SUGCT: variants seen among roughly 807,000 people sequenced by gnomAD.
The protein encoded by SUGCT is succinyl-CoA:glutarate CoA-transferase.
A neutral mutation model predicts 55.0 loss-of-function variants in SUGCT; 41 were observed. That is an observed-to-expected ratio of 0.74 (90% CI 0.58 to 0.97). SUGCT has a LOEUF of 0.97. Ranked by LOEUF, SUGCT falls within the 50% of genes least tolerant of loss-of-function variation. The pLI, the probability that SUGCT is intolerant of heterozygous loss-of-function variation, is 0.00. For synonymous variants in SUGCT, 187 were observed against 200.4 expected, an observed-to-expected ratio of 0.93 and a Z score of 0.56; for missense variants, 568 against 547.8, an observed-to-expected ratio of 1.04 and a Z score of -0.37.
intron 12 of SUGCT, among the ~76,000 whole-genome samples, chr7:40,728,069 A>C (rs1178251957): frequency 6.6e-6 from 1 of 152,200 alleles, no homozygotes; most frequent in Non-Finnish European, 1.5e-5. Flanking sequence ...TCTCCTTAAA[A>C]AAGATGAAGA....
the SUGCT span, among the ~76,000 whole-genome samples, chr7:40,998,185 G>C: frequency 6.6e-6 from 1 of 152,110 alleles, no homozygotes; most frequent in Admixed American, 6.6e-5. Context: ...GGGTCAACAT[G>C]ATGAAACCCC....
intron 1 of SUGCT, among the ~76,000 whole-genome samples, chr7:40,149,255 C>G (rs1788424114): frequency 6.6e-6 from 1 of 152,192 alleles, no homozygotes; most frequent in Non-Finnish European, 1.5e-5. Flanking sequence ...CTGAAACCGC[C>G]TTTGCAAAAT....
chr7:40,287,500 C>CT (rs113244843), intron 8 of SUGCT, among the ~76,000 whole-genome samples: 21,769 of 143,950 alleles, frequency 0.15, 4,139 homozygotes, highest in African/African-American at 0.45. Context: ...CCTTGATACT[C>CT]TTTTTTTTTT....
chr7:40,850,846 G>A (rs752105733), intron 13 of SUGCT, among the ~76,000 whole-genome samples: 2 of 152,156 alleles, frequency 1.3e-5, no homozygotes, highest in Admixed American at 6.5e-5. Context: ...AATGTTCTGG[G>A]AAGTCTAGGT....
intron 9 of SUGCT, among the ~76,000 whole-genome samples, chr7:40,431,679 T>C (rs1426403399): frequency 6.6e-6 from 1 of 152,202 alleles, no homozygotes; most frequent in African/African-American, 2.4e-5. Context: ...CCTAAGTATT[T>C]TGTTGTTTTT....
At chr7:40,244,417 G>A (rs1352200849) in intron 7 of SUGCT, among the ~76,000 whole-genome samples, 1 of 152,156 alleles carries the variant, frequency 6.6e-6, no homozygotes, top group African/African-American at 2.4e-5. Context: ...GAGAGTTAAG[G>A]TTTCAGGACA....
chr7:40,817,451 A>G (rs1346121250), intron 13 of SUGCT, among the ~76,000 whole-genome samples: 1 of 152,196 alleles, frequency 6.6e-6, no homozygotes, highest in Non-Finnish European at 1.5e-5. Context: ...TCATGGAGTA[A>G]GTAAGAATAG....
In SUGCT at chr7:40,620,666, G is replaced by A. The variant is rs192369777; in HGVS notation, c.1089+124280G>A. Among the ~76,000 whole-genome samples, 7 of 152,250 alleles carry A rather than the reference G, an allele frequency of 4.6e-5. No homozygotes were observed. In the East Asian group the frequency reaches 1.2e-3, roughly 25 times the overall value. On this transcript the variant is annotated intron_variant, in intron 12 of 13. Coordinates refer to ENST00000335693, the MANE Select transcript of SUGCT (RefSeq NM_001193313.2). Reference sequence around the variant, plus strand: ...GATCCATCCACCTGAGCCTCCCAAAGTGCTGGGATTACAGGGGTGAGCCAC... The same window carrying A: ...GATCCATCCACCTGAGCCTCCCAAAATGCTGGGATTACAGGGGTGAGCCAC...
chr7:40,341,777 A>T lies in SUGCT; in HGVS notation c.816+24922A>T, dbSNP rs149695095. Among the ~76,000 whole-genome samples the T allele has an allele frequency of 3.2e-3, 493 of 152,378 alleles. 3 individuals carry two copies. Among genetic ancestry groups the T allele is most frequent in the African/African-American group, 0.011 (475 of 41,590 alleles). On this transcript the variant is annotated intron_variant, in intron 9 of 13. Transcript: ENST00000335693. ...CATTTAGGAACCAGGAAAGGAGTTC[A>T]GAGGCATTAAAGATGCATCCTTCTG...
At chr7:40,623,399 C>G (rs1219388429) in intron 12 of SUGCT, among the ~76,000 whole-genome samples, 1 of 152,166 alleles carries the variant, frequency 6.6e-6, no homozygotes, top group Non-Finnish European at 1.5e-5. Flanking sequence ...GAACTGGACT[C>G]TGCCCTTAAT....
intron 12 of SUGCT, among the ~76,000 whole-genome samples, chr7:40,644,149 A>G (rs1296496785): frequency 6.6e-6 from 1 of 152,164 alleles, no homozygotes; most frequent in Non-Finnish European, 1.5e-5. Flanking sequence ...TTCTGAAACT[A>G]TAGGAGGGGG....
chr7:40,178,702 T>A (rs1357160884), intron 1 of SUGCT, among the ~76,000 whole-genome samples: 1 of 152,212 alleles, frequency 6.6e-6, no homozygotes, highest in Non-Finnish European at 1.5e-5. Context: ...ATTTTCACAA[T>A]GATGTCTTGG....
At chr7:40,955,294 T>C in the SUGCT span, among the ~76,000 whole-genome samples, 1 of 152,088 alleles carries the variant, frequency 6.6e-6, no homozygotes, top group Admixed American at 6.5e-5. Flanking sequence ...TCCATTTGTT[T>C]GTGTCTGATT....
At chr7:40,290,455 T>C (rs892259124) in intron 8 of SUGCT, among the ~76,000 whole-genome samples, 1 of 152,184 alleles carries the variant, frequency 6.6e-6, no homozygotes, top group African/African-American at 2.4e-5. Context: ...TAGCCATATG[T>C]AGAAAGCTGA....
At chr7:40,398,973 T>G (rs1785911382) in intron 9 of SUGCT, among the ~76,000 whole-genome samples, 1 of 152,150 alleles carries the variant, frequency 6.6e-6, no homozygotes, top group South Asian at 2.1e-4. Context: ...AATCAACATG[T>G]TTTATAACTC....
Position 40,458,377 on chromosome 7 carries a change from A to G in SUGCT, c.889-724A>G, listed in dbSNP as rs114997518. The stretch of plus-strand genomic sequence containing the variant: ...TCTTGTTAACGTTGAATGTTGTCCA[A>G]AGGGACTTGCAAGATAGATTTTCCC... On this transcript the variant is annotated intron_variant, in intron 10 of 13. Coordinates refer to ENST00000335693, the MANE Select transcript of SUGCT (RefSeq NM_001193313.2). Among the ~76,000 whole-genome samples, 1,468 of 152,308 alleles carry G rather than the reference A, an allele frequency of 9.6e-3. 25 individuals are homozygous for G. Among genetic ancestry groups the G allele is most frequent in the African/African-American group, 0.033 (1,371 of 41,574 alleles).
chr7:40,959,268 G>A, the SUGCT span, among the ~76,000 whole-genome samples: 1 of 152,214 alleles, frequency 6.6e-6, no homozygotes, highest in African/African-American at 2.4e-5. Context: ...TGTGCCCACA[G>A]CTGCACCTTC....
At chr7:40,539,456 A>G (rs1255562767) in intron 12 of SUGCT, 1 of 152,188 alleles carries the variant, frequency 6.6e-6, no homozygotes, top group Non-Finnish European at 1.5e-5. Context: ...GCACATTCAG[A>G]AATGACCTCG....
intron 11 of SUGCT, among the ~76,000 whole-genome samples, chr7:40,487,464 A>G (rs1259806207): frequency 6.6e-6 from 1 of 151,628 alleles, no homozygotes; most frequent in African/African-American, 2.4e-5. Context: ...GTCCTGGAGA[A>G]TATTTTACAT....
Sources: gnomAD v4.1 joint callset for allele counts (sites outside exome capture counted in the v4.1 genomes callset) on GRCh38, gnomAD v4.1.1 for gene constraint, MANE v1.5 for transcripts, NCBI Gene and HGNC (gene_info 2026-07-23, HGNC 2026-07-21) for gene names.